The following RAPGEF5 variants were observed in gnomAD, a reference collection of about 807,000 sequenced individuals.
The protein encoded by RAPGEF5 is M-Ras-regulated GEF.
In RAPGEF5, 65 loss-of-function variants were observed where a neutral mutation model predicts 125.2. The observed-to-expected ratio is 0.52, with a 90% CI of 0.43 to 0.64. The LOEUF (loss-of-function observed/expected upper bound fraction) is 0.64. Ranked by LOEUF, RAPGEF5 falls within the 30% of genes least tolerant of loss-of-function variation. The pLI is 0.00. For missense variants in RAPGEF5, 958 were observed against 1,048.1 expected (o/e 0.91, Z 1.19); for synonymous variants, 391 against 385.9 (o/e 1.01, Z -0.16).
chr7:22,252,751 A>T (rs2128138637), intron 7 of RAPGEF5, among the ~76,000 whole-genome samples: 1 of 152,238 alleles, frequency 6.6e-6, no homozygotes, highest in Admixed American at 6.5e-5. Flanking sequence ...GACTTTTTTT[A>T]AAGGCAATTT....
intron 1 of RAPGEF5, among the ~76,000 whole-genome samples, chr7:22,323,560 T>C (rs1289355739): frequency 3.3e-5 from 5 of 152,186 alleles, no homozygotes; most frequent in African/African-American, 7.2e-5. Flanking sequence ...CCTTTAAAAT[T>C]TGAGAATTAA....
At chr7:22,139,863 C>T (rs1783201703) in intron 21 of RAPGEF5, 162 bp downstream of exon 21, 2 of 604,618 alleles carry the variant, frequency 3.3e-6, no homozygotes, top group African/African-American at 1.9e-5. Context: ...AGTTCAGACA[C>T]ATTATACAAC....
At chr7:22,248,280 C>T (rs1473793525) in intron 7 of RAPGEF5, among the ~76,000 whole-genome samples, 1 of 152,132 alleles carries the variant, frequency 6.6e-6, no homozygotes, top group Admixed American at 6.6e-5. Context: ...ACAAGGCTAA[C>T]CACGAAATTA....
At chr7:22,135,127 T>C (rs1054312921) in intron 23 of RAPGEF5, among the ~76,000 whole-genome samples, 1 of 152,202 alleles carries the variant, frequency 6.6e-6, no homozygotes, top group Non-Finnish European at 1.5e-5. Flanking sequence ...GGAATGAGGA[T>C]GGCCAGGCCA....
At chr7:22,147,633 A>G (rs1228420284) in intron 18 of RAPGEF5, among the ~76,000 whole-genome samples, 1 of 152,242 alleles carries the variant, frequency 6.6e-6, no homozygotes, top group East Asian at 1.9e-4. Context: ...GGGCCTAACA[A>G]CTATGAGGCT....
chr7:22,290,453 C>T (rs534127411), intron 6 of RAPGEF5, among the ~76,000 whole-genome samples: 2 of 152,286 alleles, frequency 1.3e-5, no homozygotes, highest in Admixed American at 1.3e-4. Flanking sequence ...GCTTTAAAAA[C>T]CACAATGAAA....
intron 11 of RAPGEF5, among the ~76,000 whole-genome samples, chr7:22,175,274 C>T (rs950062619): frequency 3.3e-5 from 5 of 152,082 alleles, no homozygotes; most frequent in South Asian, 2.1e-4. Flanking sequence ...GGTTTGATGA[C>T]CTTAGAGAGA....
chr7:22,230,358 A>G (rs903242356), intron 8 of RAPGEF5, among the ~76,000 whole-genome samples: 2 of 152,278 alleles, frequency 1.3e-5, no homozygotes, highest in African/African-American at 4.8e-5. Flanking sequence ...AGATGAGTCA[A>G]CTAGGCTAAG....
At position 22,194,009 on chromosome 7, in the gene RAPGEF5, G is replaced by C. The variant is rs763401428; in HGVS notation, c.1021C>G (p.Gln341Glu). The stretch of plus-strand genomic sequence containing the variant: ...ACGCTCTGGTCTTGCTCTTTAACCT[G>C]AACAGTCGTCACTTCATCATCTTGC... Reference protein sequence around the residue: ...EHQDDEVTTVQVKEQDQSVLV... With the variant: ...EHQDDEVTTVEVKEQDQSVLV... The change falls in exon 10 of 26, where the codon CAG (glutamine) becomes GAG (glutamate). Residue 341 changes from glutamine (Q) to glutamate (E), a missense_variant. Coordinates refer to ENST00000665637, the MANE Select transcript of RAPGEF5 (RefSeq NM_012294.5). 11 of 1,613,702 alleles carry C rather than the reference G, an allele frequency of 6.8e-6. No individual in the cohort carries two copies. In the African/African-American group the frequency reaches 1.2e-4, roughly 18 times the overall value.
intron 7 of RAPGEF5, among the ~76,000 whole-genome samples, chr7:22,232,609 C>T (rs980485477): frequency 4.6e-5 from 7 of 152,220 alleles, no homozygotes; most frequent in South Asian, 4.1e-4. Flanking sequence ...GTGTGAGCCA[C>T]CACGCTTGGC....
rs182543635 is a variant in RAPGEF5 at position 22,208,935 on chromosome 7, G to A, written c.996+10931C>T. Among the ~76,000 whole-genome samples, 15 of 152,322 alleles carry A rather than the reference G, an allele frequency of 9.8e-5. No homozygotes were observed. In the East Asian group the frequency reaches 2.7e-3, roughly 27 times the overall value. ...GTGGGGCACCATTATTGGTGCAGCT[G>A]CAGATGCTGAAGGTACCTACAGCCA... On this transcript the variant is annotated intron_variant, in intron 9 of 25. Coordinates refer to ENST00000665637, the MANE Select transcript of RAPGEF5 (RefSeq NM_012294.5).
In RAPGEF5 at chr7:22,150,433, A is replaced by G. The variant is rs372452680; in HGVS notation, c.1858T>C (p.Tyr620His). The G allele has an allele frequency of 6.2e-7, 1 of 1,610,808 alleles. No individual in the cohort carries two copies. ...AAAGTGTCCGCCAGGTCTTTCCGGT[A>G]GACATATATTCGACCAGATGCCTCG... ...SLEASGRIYV[Y>H]RKDLADTLNP... Residue 620 changes from tyrosine to histidine, a missense_variant, in exon 18 of 26, where the codon TAC becomes CAC. Physicochemically the swap from Tyr to His is moderately conservative, Grantham distance 83. Transcript: ENST00000665637.
At chr7:22,272,403 T>A (rs2128142956) in intron 6 of RAPGEF5, among the ~76,000 whole-genome samples, 2 of 150,298 alleles carry the variant, frequency 1.3e-5, no homozygotes, top group African/African-American at 4.9e-5. Context: ...AAACTCATTT[T>A]GAGAGGACAG....
At chr7:22,211,402 G>A (rs1294164347) in intron 9 of RAPGEF5, among the ~76,000 whole-genome samples, 2 of 152,176 alleles carry the variant, frequency 1.3e-5, no homozygotes, top group Non-Finnish European at 1.5e-5. Flanking sequence ...TTATATGCAT[G>A]CACAAAATTC....
chr7:22,192,257 T>C (rs1009805257), intron 11 of RAPGEF5: 18 of 152,440 alleles, frequency 1.2e-4, no homozygotes, highest in Admixed American at 7.2e-4. Flanking sequence ...CAAAATAAGG[T>C]ATCTATCTGA....
intron 17 of RAPGEF5, among the ~76,000 whole-genome samples, chr7:22,153,827 G>A (rs534072894): frequency 6.6e-6 from 1 of 152,292 alleles, no homozygotes; most frequent in African/African-American, 2.4e-5. Flanking sequence ...AGATCTGACA[G>A]GCTCCAGTGA....
At position 22,203,033 on chromosome 7, in the gene RAPGEF5, G is replaced by A. The variant is rs146849814; in HGVS notation, c.997-9000C>T. ...GGTCTTGCTATGATTTTGTTTATGT[G>A]TATGTGTATATAAATATCATCCAAA... On this transcript the variant is annotated intron_variant, in intron 9 of 25. Coordinates refer to ENST00000665637, the MANE Select transcript of RAPGEF5 (RefSeq NM_012294.5). The A allele has an allele frequency of 9.6e-5, 19 of 198,110 alleles. 1 individual carries two copies. The East Asian group carries it at 2.7e-3, about 28-fold the overall frequency. The allele number at this position is 198,110 out of a possible 1,614,324, so 12.3% of individuals were successfully genotyped here.
At chr7:22,125,482 C>T (rs939509634) in intron 25 of RAPGEF5, 122 bp downstream of exon 25, 34 of 861,566 alleles carry the variant, frequency 3.9e-5, no homozygotes, top group Non-Finnish European at 6.0e-5. Flanking sequence ...ATACAATATG[C>T]GTATGTATAT....
intron 14 of RAPGEF5, among the ~76,000 whole-genome samples, chr7:22,160,288 T>C (rs556662562): frequency 1.7e-4 from 26 of 152,328 alleles, no homozygotes; most frequent in African/African-American, 6.3e-4. Flanking sequence ...CAGGTTATTT[T>C]TACTATATAA....
Sources: allele counts gnomAD v4.1 joint callset (sites outside exome capture counted in the v4.1 genomes callset), GRCh38; gene constraint gnomAD v4.1.1; transcripts MANE v1.5; gene names NCBI Gene and HGNC (gene_info 2026-07-23, HGNC 2026-07-21).